COPG1: variants seen among roughly 807,000 people sequenced by gnomAD.
COPG1 encodes the protein coatomer subunit gamma-1.
A neutral mutation model predicts 102.8 loss-of-function variants in COPG1; 29 were observed. The ratio of observed to expected loss-of-function variants is 0.28; its 90% CI spans 0.21 to 0.38. COPG1 has a LOEUF of 0.38. COPG1 is among the 10% of genes least tolerant of loss of function. The pLI, the probability that COPG1 is intolerant of heterozygous loss-of-function variation, is 1.00. For missense variants in COPG1, 875 were observed against 1,132.7 expected, an observed-to-expected ratio of 0.77 and a Z score of 3.27; for synonymous variants, 406 against 421.6, an observed-to-expected ratio of 0.96 and a Z score of 0.45.
chr3:129,269,648 T>C (rs1339629871), intron 18 of COPG1, among the ~76,000 whole-genome samples: 1 of 152,092 alleles, frequency 6.6e-6, no homozygotes, highest in Non-Finnish European at 1.5e-5. Flanking sequence ...TTCCTCACAG[T>C]AGGCTCCCAA....
intron 2 of COPG1, 35 bp downstream of exon 2, chr3:129,250,769 T>A (rs779406263): frequency 1.9e-6 from 3 of 1,571,856 alleles, no homozygotes; most frequent in Non-Finnish European, 2.6e-6. Context: ...GCTTCCATCA[T>A]AAATATTCAC....
At chr3:129,276,917 G>C (rs926812347) in intron 23 of COPG1, among the ~76,000 whole-genome samples, 3 of 146,738 alleles carry the variant, frequency 2.0e-5, no homozygotes, top group African/African-American at 5.1e-5. Context: ...TCCGCCTCCC[G>C]GGTTCAAGCG....
Position 129,263,960 on chromosome 3 carries a change from C to A in COPG1, c.1185C>A (p.Ala395=). 1 of 1,614,110 alleles carries A rather than the reference C, an allele frequency of 6.2e-7. No individual in the cohort carries two copies. Among genetic ancestry groups the A allele is most frequent in the Non-Finnish European group, 8.5e-7 (1 of 1,180,022 alleles). The change falls in exon 13 of 24, where the codon GCC becomes GCA. Residue 395 remains alanine (A), a synonymous_variant. Coordinates refer to ENST00000314797, the MANE Select transcript of COPG1 (RefSeq NM_016128.4). The part of the protein sequence containing the change: ...ALCQKYPRKH[A]VLMNFLFTML... ...GTCAGAAATATCCTCGCAAACACGC[C>A]GTCCTTATGAACTTCCTGTTCACCA...
intron 2 of COPG1, among the ~76,000 whole-genome samples, chr3:129,251,962 G>A (rs1057508239): frequency 6.6e-6 from 1 of 152,188 alleles, no homozygotes; most frequent in Non-Finnish European, 1.5e-5. Flanking sequence ...TAGGATTACA[G>A]GTGTGAGCTA....
At chr3:129,257,314 CAG>C (rs1430568336) in intron 8 of COPG1, among the ~76,000 whole-genome samples, 154 bp from the exon 9 acceptor site, 4 of 152,204 alleles carry the variant, frequency 2.6e-5, no homozygotes, top group Non-Finnish European at 4.4e-5. Flanking sequence ...GCTGTGTACA[CAG>C]AGTACCTGGG....
At chr3:129,272,127 G>A in intron 19 of COPG1, 117 bp from the exon 20 acceptor site, 1 of 1,088,986 alleles carries the variant, frequency 9.2e-7, no homozygotes, top group Non-Finnish European at 1.3e-6. Flanking sequence ...TGGGGCAGGG[G>A]GACTGGGATG....
intron 12 of COPG1, among the ~76,000 whole-genome samples, chr3:129,261,798 C>G (rs192028201): frequency 2.0e-5 from 3 of 152,320 alleles, no homozygotes; most frequent in African/African-American, 7.2e-5. Context: ...ATTGCCACCA[C>G]AGTGAAGACA....
chr3:129,265,389 A>C (rs1245471659), intron 13 of COPG1, among the ~76,000 whole-genome samples, 160 bp from the exon 14 acceptor site: 1 of 152,116 alleles, frequency 6.6e-6, no homozygotes, highest in African/African-American at 2.4e-5. Context: ...ACTGCACCTG[A>C]CCAGCCTTTT....
intron 2 of COPG1, 43 bp downstream of exon 2, chr3:129,250,777 C>T (rs748570330): frequency 7.3e-6 from 11 of 1,516,582 alleles, no homozygotes; most frequent in South Asian, 1.1e-5. Context: ...CATAAATATT[C>T]ACCACCAATG....
chr3:129,251,508 A>G (rs56282067), intron 2 of COPG1, among the ~76,000 whole-genome samples: 31,507 of 150,606 alleles, frequency 0.21, 5,250 homozygotes, highest in African/African-American at 0.46. Context: ...TCAGCCTCCC[A>G]AGTAGCCGGG....
intron 2 of COPG1, among the ~76,000 whole-genome samples, 188 bp from the exon 3 acceptor site, chr3:129,252,093 A>G (rs576029387): frequency 5.9e-5 from 9 of 152,336 alleles, no homozygotes; most frequent in African/African-American, 2.2e-4. Flanking sequence ...TATTTACACG[A>G]GAGTCTAAGA....
chr3:129,272,531 AG>A (rs1940203279), intron 20 of COPG1, 116 bp downstream of exon 20: 3 of 870,482 alleles, frequency 3.4e-6, no homozygotes, highest in Admixed American at 2.9e-5. Flanking sequence ...CCTTGATTTC[AG>A]TCCCAAGAAG....
intron 10 of COPG1, chr3:129,260,115 A>C (rs1939894439): frequency 1.5e-5 from 9 of 584,622 alleles, no homozygotes; most frequent in Non-Finnish European, 2.8e-5. Flanking sequence ...CCAGTGAATA[A>C]CAGCCCTCAC....
rs1334349178 is a variant in COPG1, at chr3:129,271,158, C to G, written c.1844-609C>G. ...TATTCCCTTTAGTTTGCAAGGAATGCCAGGACCAGCCAGGGTGGGGTCCCA... is the reference window on the plus strand; with the variant it reads ...TATTCCCTTTAGTTTGCAAGGAATGGCAGGACCAGCCAGGGTGGGGTCCCA... On this transcript the variant is annotated intron_variant, in intron 18 of 23. Transcript: ENST00000314797. This position sits in a 1 kb window ranked among gnomAD's most constrained non-coding sequence, Gnocchi z 4.7. 2.6e-5 allele frequency among the ~76,000 whole-genome samples: 4 copies of G among 152,172 alleles called. No individual in the cohort carries two copies. The highest frequency in any genetic ancestry group is 9.7e-5 in the African/African-American group (4 of 41,426).
At chr3:129,252,255 T>G in intron 2 of COPG1, 26 bp from the exon 3 acceptor site, 1 of 1,503,336 alleles carries the variant, frequency 6.7e-7, no homozygotes, top group Non-Finnish European at 9.3e-7. Context: ...GGCTAGAAGG[T>G]AACATCTTTG....
chr3:129,265,452 A>G, intron 13 of COPG1, 97 bp from the exon 14 acceptor site: 1 of 1,474,294 alleles, frequency 6.8e-7, no homozygotes, highest in Non-Finnish European at 9.2e-7. Context: ...CCTGTCTCCA[A>G]GTTCTGTGTT....
At chr3:129,264,220 A>G (rs1308489664) in intron 13 of COPG1, among the ~76,000 whole-genome samples, 1 of 152,160 alleles carries the variant, frequency 6.6e-6, no homozygotes, top group Non-Finnish European at 1.5e-5. Flanking sequence ...GACTTTAAAA[A>G]CTGGATGTCC....
chr3:129,268,889 G>T, intron 17 of COPG1, 43 bp from the exon 18 acceptor site: 2 of 1,568,898 alleles, frequency 1.3e-6, no homozygotes, highest in South Asian at 2.2e-5. Flanking sequence ...ACTGCCCCGT[G>T]ACTCCAGCTG....
Position 129,254,696 on chromosome 3 carries a change from G to C in COPG1, c.352G>C (p.Asp118His). ...SLTKDMTGKE[D>H]NYRGPAVRAL... ...AACAAAAGACATGACTGGGAAAGAA[G>C]ACAACTACCGGGGCCCGGCCGTGCG... Residue 118 changes from aspartate (D) to histidine (H), a missense_variant, in exon 6 of 24, where the codon GAC (aspartate) becomes CAC (histidine). Coordinates refer to ENST00000314797, the MANE Select transcript of COPG1 (RefSeq NM_016128.4). The C allele has an allele frequency of 1.2e-6, 2 of 1,614,190 alleles. No individual in the cohort carries two copies. Among genetic ancestry groups the C allele is most frequent in the Non-Finnish European group, 1.7e-6 (2 of 1,180,026 alleles).
Sources: allele counts gnomAD v4.1 joint callset (sites outside exome capture counted in the v4.1 genomes callset), GRCh38; gene constraint gnomAD v4.1.1; non-coding constraint Gnocchi (gnomAD v3.1); transcripts MANE v1.5; gene names NCBI Gene and HGNC (gene_info 2026-07-23, HGNC 2026-07-21).